SNTB1: variants seen among roughly 807,000 people sequenced by gnomAD.
The protein encoded by SNTB1 is syntrophin beta 1.
SNTB1 carries 36 observed loss-of-function variants against 48.9 expected under a neutral mutation model. That is an observed-to-expected ratio of 0.74 (90% confidence interval 0.56 to 0.97). The LOEUF (loss-of-function observed/expected upper bound fraction) is 0.97. Ranked by LOEUF, SNTB1 falls within the 50% of genes least tolerant of loss-of-function variation. SNTB1 has a pLI of 0.00. For synonymous variants in SNTB1, 299 were observed against 294.6 expected, an observed-to-expected ratio of 1.01 and a Z score of -0.15; for missense variants, 786 against 703.4, an observed-to-expected ratio of 1.12 and a Z score of -1.33.
intron 3 of SNTB1, among the ~76,000 whole-genome samples, chr8:120,604,019 G>A (rs1465915204): frequency 6.6e-6 from 1 of 152,130 alleles, no homozygotes; most frequent in Non-Finnish European, 1.5e-5. Flanking sequence ...TCCATACCCA[G>A]GTGTCTGCGA....
chr8:120,810,712 A>G (rs1317698023), intron 1 of SNTB1, among the ~76,000 whole-genome samples: 2 of 152,072 alleles, frequency 1.3e-5, no homozygotes, highest in Non-Finnish European at 2.9e-5. Context: ...GAACGTCCAG[A>G]AGGATAGTCG....
intron 1 of SNTB1, among the ~76,000 whole-genome samples, chr8:120,724,719 T>C (rs1818724174): frequency 6.6e-6 from 1 of 152,078 alleles, no homozygotes; most frequent in Non-Finnish European, 1.5e-5. Flanking sequence ...TGATTTTAGC[T>C]AGAGAGGAAG....
chr8:120,727,362 G>A (rs1818774769), intron 1 of SNTB1, among the ~76,000 whole-genome samples: 1 of 152,178 alleles, frequency 6.6e-6, no homozygotes, highest in South Asian at 2.1e-4. Flanking sequence ...ACTGTGAGGA[G>A]CAGACACGTT....
At chr8:120,647,191 T>A (rs1203006705) in intron 2 of SNTB1, among the ~76,000 whole-genome samples, 5 of 136,168 alleles carry the variant, frequency 3.7e-5, no homozygotes, top group Admixed American at 3.0e-4. Flanking sequence ...TTTTAGTTAT[T>A]TCTTGACTTC....
intron 2 of SNTB1, among the ~76,000 whole-genome samples, chr8:120,683,620 A>G (rs1032583408): frequency 6.6e-6 from 1 of 152,118 alleles, no homozygotes; most frequent in Non-Finnish European, 1.5e-5. Flanking sequence ...CAAATAAAAG[A>G]TAGTTAAGGT....
intron 3 of SNTB1, among the ~76,000 whole-genome samples, chr8:120,582,833 G>A (rs894976680): frequency 1.3e-5 from 2 of 152,090 alleles, no homozygotes; most frequent in African/African-American, 4.8e-5. Flanking sequence ...CCTAGATAAT[G>A]GGTTGATAGG....
intron 1 of SNTB1, among the ~76,000 whole-genome samples, chr8:120,803,348 T>C (rs1563608017): frequency 6.6e-6 from 1 of 152,182 alleles, no homozygotes; most frequent in Non-Finnish European, 1.5e-5. Context: ...GGGTATTATA[T>C]ATTTTTGTCT....
chr8:120,784,936 C>G (rs1819897531), intron 1 of SNTB1, among the ~76,000 whole-genome samples: 1 of 152,098 alleles, frequency 6.6e-6, no homozygotes, highest in African/African-American at 2.4e-5. Flanking sequence ...ACTGGGGAGT[C>G]CAGGACAAGG....
chr8:120,765,231 A>G (rs1390359487), intron 1 of SNTB1, among the ~76,000 whole-genome samples: 2 of 152,174 alleles, frequency 1.3e-5, no homozygotes, highest in Admixed American at 1.3e-4. Flanking sequence ...TCTCAAAAAC[A>G]AAACAAAACC....
intron 1 of SNTB1, among the ~76,000 whole-genome samples, chr8:120,736,391 C>T (rs187100468): frequency 1.3e-3 from 196 of 152,200 alleles, no homozygotes; most frequent in African/African-American, 4.3e-3. Flanking sequence ...CTTAGACAAA[C>T]GTAAGACTCT....
chr8:120,594,921 T>C (rs1816298700), intron 3 of SNTB1, among the ~76,000 whole-genome samples: 1 of 152,076 alleles, frequency 6.6e-6, no homozygotes, highest in Admixed American at 6.6e-5. Flanking sequence ...AATGCAAATG[T>C]ACTTAATTGA....
chr8:120,548,961 G>A lies in SNTB1; in HGVS notation c.1137-3C>T. On this transcript the variant is annotated splice_region_variant and splice_polypyrimidine_tract_variant and intron_variant, in intron 4 of 6. Coordinates refer to ENST00000517992, the MANE Select transcript of SNTB1 (RefSeq NM_021021.4). ...TTCCTGGACCTGAATGGACCAGCCT[G>A]GAGAGAGAGAGAGAGAGACATCATC... 1 of 1,516,890 alleles carries A rather than the reference G, an allele frequency of 6.6e-7. No individual in the cohort carries two copies. Among genetic ancestry groups the A allele is most frequent in the South Asian group, 1.3e-5 (1 of 78,000 alleles). The allele number at this position is 1,516,890 out of a possible 1,614,324, so 94.0% of individuals were successfully genotyped here.
rs377204044 is a variant in SNTB1 at position 120,599,645 on chromosome 8, A to G, written c.997-24420T>C. Among the ~76,000 whole-genome samples, 102 of 152,356 alleles carry G rather than the reference A, an allele frequency of 6.7e-4. 2 individuals carry two copies. In the South Asian group the frequency reaches 0.02, roughly 30 times the overall value. ...GCTGGAGATTGTTGGAGATTAGCCA[A>G]TTGAACCCTGAAATCTATAATTTGA... On this transcript the variant is annotated intron_variant, in intron 3 of 6. Coordinates refer to ENST00000517992, the MANE Select transcript of SNTB1 (RefSeq NM_021021.4).
chr8:120,728,007 T>C (rs1818789523), intron 1 of SNTB1, among the ~76,000 whole-genome samples: 2 of 152,148 alleles, frequency 1.3e-5, no homozygotes, highest in Non-Finnish European at 2.9e-5. Flanking sequence ...ATTTATTTTG[T>C]ATTTTTCATT....
chr8:120,754,879 T>C (rs993039062), intron 1 of SNTB1, among the ~76,000 whole-genome samples: 1 of 152,062 alleles, frequency 6.6e-6, no homozygotes, highest in Non-Finnish European at 1.5e-5. Flanking sequence ...CATTATGGAC[T>C]GTAGAGTTGT....
chr8:120,752,191 G>T (rs1196724405), intron 1 of SNTB1, among the ~76,000 whole-genome samples: 4 of 152,020 alleles, frequency 2.6e-5, no homozygotes, highest in African/African-American at 9.7e-5. Context: ...AAATCCAATT[G>T]GATCTCAGAT....
rs150676201 is a variant in SNTB1 at position 120,554,083 on chromosome 8, A to T, written c.1137-5125T>A. On this transcript the variant is annotated intron_variant, in intron 4 of 6. Coordinates refer to ENST00000517992, the MANE Select transcript of SNTB1 (RefSeq NM_021021.4). ...TTCAACATCATTTTATTATGACATT[A>T]GTGAGAAAAGAAATCGATTCCCGGG... Among the ~76,000 whole-genome samples, 841 of 152,342 alleles carry T rather than the reference A, an allele frequency of 5.5e-3. 10 individuals carry two copies. The highest frequency in any genetic ancestry group is 0.018 in the African/African-American group (738 of 41,584).
In SNTB1 at chr8:120,791,986, C is replaced by A. The variant is rs553929584; in HGVS notation, c.571+19287G>T. 2.0e-5 allele frequency among the ~76,000 whole-genome samples: 3 copies of A among 151,748 alleles called. No homozygotes were observed. The South Asian group carries it at 6.2e-4, about 31-fold the overall frequency. On this transcript the variant is annotated intron_variant, in intron 1 of 6. Transcript: ENST00000517992. ...AAACATTAACTATATTAAAATGACA[C>A]CTGCATGGGTATGTTTATTACAGCA...
At chr8:120,750,253 C>T (rs1819189427) in intron 1 of SNTB1, among the ~76,000 whole-genome samples, 2 of 151,876 alleles carry the variant, frequency 1.3e-5, no homozygotes, top group Non-Finnish European at 2.9e-5. Context: ...CACCCTGTGC[C>T]CAGGGTCTGG....
Sources: allele counts gnomAD v4.1 joint callset (sites outside exome capture counted in the v4.1 genomes callset), GRCh38; gene constraint gnomAD v4.1.1; transcripts MANE v1.5; gene names NCBI Gene and HGNC (gene_info 2026-07-23, HGNC 2026-07-21).